The following TRPC6 variants were observed in gnomAD, a reference collection of about 807,000 sequenced individuals.
The protein encoded by TRPC6 is transient receptor potential cation channel subfamily C member 6, also known as short transient receptor potential channel 6.
In TRPC6, 55 loss-of-function variants were observed where a neutral mutation model predicts 90.7. The observed-to-expected ratio is 0.61, with a 90% CI of 0.49 to 0.76. TRPC6 has a LOEUF of 0.76. Among genes scored for constraint, TRPC6 ranks in the 30% least tolerant of loss-of-function variants. TRPC6 has a pLI of 0.00. For synonymous variants in TRPC6, 393 were observed against 393.0 expected, an observed-to-expected ratio of 1.00 and a Z score of 0.00; for missense variants, 989 against 1,122.7, an observed-to-expected ratio of 0.88 and a Z score of 1.70.
At chr11:101,569,118 C>G (rs529804994) in intron 1 of TRPC6, among the ~76,000 whole-genome samples, 1 of 151,826 alleles carries the variant, frequency 6.6e-6, no homozygotes, top group Admixed American at 6.6e-5. Context: ...GGAGACCCAT[C>G]TCACATGCAA....
chr11:101,461,154 T>G (rs958092071), intron 10 of TRPC6, among the ~76,000 whole-genome samples: 1 of 152,226 alleles, frequency 6.6e-6, no homozygotes, highest in Non-Finnish European at 1.5e-5. Context: ...ATCCACTAAC[T>G]AGGGAAGGCT....
At chr11:101,566,836 C>T (rs1861843845) in intron 1 of TRPC6, among the ~76,000 whole-genome samples, 1 of 152,166 alleles carries the variant, frequency 6.6e-6, no homozygotes, top group African/African-American at 2.4e-5. Context: ...CCGTGCACTC[C>T]AGCCCAGATA....
intron 1 of TRPC6, among the ~76,000 whole-genome samples, chr11:101,546,425 G>T (rs1019815313): frequency 2.0e-5 from 3 of 152,148 alleles, no homozygotes; most frequent in African/African-American, 7.2e-5. Context: ...CCACTGCAAA[G>T]ATTTCAAGAT....
chr11:101,476,579 CT>C (rs1177327499), intron 5 of TRPC6, 45 bp from the exon 6 acceptor site: 1 of 1,520,016 alleles, frequency 6.6e-7, no homozygotes, highest in South Asian at 1.1e-5. Context: ...CGCATTCAGC[CT>C]TAGCTGTTCT....
chr11:101,544,730 G>T (rs988148215), intron 1 of TRPC6, among the ~76,000 whole-genome samples: 1 of 151,990 alleles, frequency 6.6e-6, no homozygotes, highest in Non-Finnish European at 1.5e-5. Context: ...GGGCCTGTTG[G>T]GGGTGGCGGG....
intron 1 of TRPC6, among the ~76,000 whole-genome samples, chr11:101,521,500 C>A (rs879068323): frequency 2.6e-5 from 4 of 152,234 alleles, no homozygotes; most frequent in Admixed American, 6.5e-5. Context: ...CATGAGGAAC[C>A]TCTACTAGGA....
At chr11:101,562,115 G>A (rs10895139) in intron 1 of TRPC6, among the ~76,000 whole-genome samples, 39,039 of 151,846 alleles carry the variant, frequency 0.26, 5,427 homozygotes, top group Middle Eastern at 0.34. Context: ...AACTACCTTT[G>A]ATTGGGGATG....
chr11:101,508,124 A>G (rs963064866), intron 1 of TRPC6, among the ~76,000 whole-genome samples: 1 of 151,856 alleles, frequency 6.6e-6, no homozygotes, highest in Non-Finnish European at 1.5e-5. Context: ...AGGCACAAAC[A>G]TTTTTTCTTC....
rs773247461 is a variant in TRPC6 at position 101,471,344 on chromosome 11, A to G, written c.2248T>C (p.Trp750Arg). The stretch of plus-strand genomic sequence containing the variant: ...CTGCCCTCCTCAAAGTAGGAAAACC[A>G]GAGTTTGGCCCTTGCAAATTTCCAC... ...VEWKFARAKL[W>R]FSYFEEGRTL... Residue 750 changes from tryptophan to arginine, a missense_variant, in exon 9 of 13, where the codon TGG (tryptophan) becomes CGG (arginine). Around this residue, in one of 4 missense-constraint regions of TRPC6, gnomAD observed 191 missense variants for 196.7 expected, o/e 0.97. Transcript: ENST00000344327. 1 of 1,613,960 alleles carries G rather than the reference A, an allele frequency of 6.2e-7. No individual in the cohort carries two copies. Among genetic ancestry groups the G allele is most frequent in the Non-Finnish European group, 8.5e-7 (1 of 1,179,862 alleles).
At chr11:101,453,346 T>G (rs1330509775) in intron 12 of TRPC6, among the ~76,000 whole-genome samples, 1 of 152,046 alleles carries the variant, frequency 6.6e-6, no homozygotes, top group African/African-American at 2.4e-5. Context: ...AACAAAAAGG[T>G]GGTGAATGAT....
At chr11:101,568,398 G>C (rs1293598238) in intron 1 of TRPC6, among the ~76,000 whole-genome samples, 1 of 152,178 alleles carries the variant, frequency 6.6e-6, no homozygotes, top group Non-Finnish European at 1.5e-5. Context: ...TGGTGTACCT[G>C]AAAGTGATGG....
At chr11:101,534,146 C>T (rs1040055062) in intron 1 of TRPC6, among the ~76,000 whole-genome samples, 1 of 151,990 alleles carries the variant, frequency 6.6e-6, no homozygotes, top group African/African-American at 2.4e-5. Flanking sequence ...CCTCTCTTCT[C>T]TCTCTTTCTG....
rs371713641 is a variant in TRPC6 at position 101,483,968 on chromosome 11, T to C, written c.1294-803A>G. Among the ~76,000 whole-genome samples, 11 of 152,272 alleles carry C rather than the reference T, an allele frequency of 7.2e-5. No individual in the cohort carries two copies. In the South Asian group the frequency reaches 1.0e-3, roughly 14 times the overall value. The stretch of plus-strand genomic sequence containing the variant: ...GCAGAGTGAGGATCTAGGATATGAC[T>C]AAGGGGTCTGGACATCCTCTGAAAT... On this transcript the variant is annotated intron_variant, in intron 4 of 12. Transcript: ENST00000344327.
chr11:101,502,856 C>T (rs1230913607), intron 2 of TRPC6, among the ~76,000 whole-genome samples: 2 of 152,134 alleles, frequency 1.3e-5, no homozygotes, highest in African/African-American at 4.8e-5. Flanking sequence ...CACATGACAT[C>T]TGATACTGGG....
chr11:101,512,616 T>C (rs1204117169), intron 1 of TRPC6, among the ~76,000 whole-genome samples: 2 of 152,128 alleles, frequency 1.3e-5, no homozygotes, highest in East Asian at 3.9e-4. Context: ...GCCAGACATT[T>C]ATGGTGAGAA....
chr11:101,516,281 G>A (rs189718396), intron 1 of TRPC6, among the ~76,000 whole-genome samples: 1 of 152,244 alleles, frequency 6.6e-6, no homozygotes, highest in Non-Finnish European at 1.5e-5. Flanking sequence ...GTTTGCAGAT[G>A]TCCTATTTCA....
At chr11:101,571,335 G>T (rs180729080) in intron 1 of TRPC6, among the ~76,000 whole-genome samples, 190 of 152,188 alleles carry the variant, frequency 1.2e-3, no homozygotes, top group Non-Finnish European at 2.1e-3. Flanking sequence ...ACCTCTTCAA[G>T]GAGAACTACA....
At chr11:101,525,286 T>G (rs1396485300) in intron 1 of TRPC6, among the ~76,000 whole-genome samples, 1 of 152,220 alleles carries the variant, frequency 6.6e-6, no homozygotes, top group Non-Finnish European at 1.5e-5. Flanking sequence ...TGATCTTGAG[T>G]GACTAACTTA....
chr11:101,481,858 T>TC (rs753676627), intron 5 of TRPC6, among the ~76,000 whole-genome samples: 1 of 152,256 alleles, frequency 6.6e-6, no homozygotes, highest in Non-Finnish European at 1.5e-5. Context: ...TCCACCCTTA[T>TC]CTCCCATCAC....
Sources: allele counts gnomAD v4.1 joint callset (sites outside exome capture counted in the v4.1 genomes callset), GRCh38; gene constraint gnomAD v4.1.1; regional missense constraint gnomAD v4.1.1; transcripts MANE v1.5; gene names NCBI Gene and HGNC (gene_info 2026-07-23, HGNC 2026-07-21).